The following TSPAN9 variants were observed in gnomAD, a reference collection of about 807,000 sequenced individuals.
TSPAN9 encodes the protein tetraspanin 9, also known as tetraspanin-9.
In TSPAN9, 16 loss-of-function variants were observed where a neutral mutation model predicts 31.0. That is an observed-to-expected ratio of 0.52 (90% confidence interval 0.35 to 0.78). TSPAN9 has a LOEUF of 0.78. TSPAN9 is among the 30% of genes least tolerant of loss of function. The pLI is 0.01. For missense variants in TSPAN9, 272 were observed against 312.5 expected, an observed-to-expected ratio of 0.87 and a Z score of 0.98; for synonymous variants, 145 against 121.6, an observed-to-expected ratio of 1.19 and a Z score of -1.27.
chr12:3,086,019 C>T (rs1168324262), intron 2 of TSPAN9, among the ~76,000 whole-genome samples: 2 of 152,156 alleles, frequency 1.3e-5, no homozygotes, highest in South Asian at 2.1e-4. Context: ...TTGGTTTAAA[C>T]TCTCTTCTTC....
intron 2 of TSPAN9, among the ~76,000 whole-genome samples, chr12:3,142,415 C>T (rs535966740): frequency 6.6e-6 from 1 of 152,320 alleles, no homozygotes; most frequent in Non-Finnish European, 1.5e-5. Flanking sequence ...CTCCTCCCTT[C>T]CCTGAGAAGG....
At chr12:3,173,846 C>T (rs1591659821) in intron 2 of TSPAN9, 1 of 152,236 alleles carries the variant, frequency 6.6e-6, no homozygotes, top group South Asian at 2.1e-4. Context: ...CTCCCTCCCT[C>T]CCTCCTCCTC....
chr12:3,282,311 T>C lies in TSPAN9; in HGVS notation c.648+494T>C, dbSNP rs574998238. 1.3e-4 allele frequency among the ~76,000 whole-genome samples: 20 copies of C among 152,252 alleles called. No homozygotes were observed. In the South Asian group the frequency reaches 4.0e-3, roughly 30 times the overall value. On this transcript the variant is annotated intron_variant, in intron 8 of 8. Coordinates refer to ENST00000011898, the MANE Select transcript of TSPAN9 (RefSeq NM_006675.5). Reference sequence around the variant, plus strand: ...GTAGTGACGTGGTCCTGAGCACACATCACTGGAAAGACAGCCCTGCTGCTG... The same window carrying C: ...GTAGTGACGTGGTCCTGAGCACACACCACTGGAAAGACAGCCCTGCTGCTG...
chr12:3,228,048 C>T (rs938308118), intron 3 of TSPAN9, among the ~76,000 whole-genome samples: 5 of 152,086 alleles, frequency 3.3e-5, no homozygotes, highest in African/African-American at 1.2e-4. Flanking sequence ...AATGCTTTGT[C>T]TGTATTAAAA....
chr12:3,217,664 A>T (rs1426387908), intron 3 of TSPAN9, among the ~76,000 whole-genome samples: 1 of 152,000 alleles, frequency 6.6e-6, no homozygotes, highest in African/African-American at 2.4e-5. Flanking sequence ...ACCCGCAGGG[A>T]CTCAACTCCC....
chr12:3,212,105 G>A (rs1230462570), intron 3 of TSPAN9, among the ~76,000 whole-genome samples: 1 of 152,106 alleles, frequency 6.6e-6, no homozygotes, highest in Non-Finnish European at 1.5e-5. Context: ...CCGAGTAGCT[G>A]GGATTACAGG....
At chr12:3,079,188 A>T (rs545495151) in intron 1 of TSPAN9, among the ~76,000 whole-genome samples, 1 of 152,338 alleles carries the variant, frequency 6.6e-6, no homozygotes, top group African/African-American at 2.4e-5. Flanking sequence ...CATGTTGACC[A>T]GGCTGGTCTT....
chr12:3,180,027 C>T (rs1290063953), intron 2 of TSPAN9, among the ~76,000 whole-genome samples: 2 of 152,100 alleles, frequency 1.3e-5, no homozygotes, highest in Admixed American at 6.5e-5. Flanking sequence ...CTAGAAAGTG[C>T]GAATTCTCAT....
chr12:3,175,154 A>C (rs1393926588), intron 2 of TSPAN9, among the ~76,000 whole-genome samples: 1 of 152,178 alleles, frequency 6.6e-6, no homozygotes, highest in East Asian at 1.9e-4. Context: ...GCTGTCCTGC[A>C]GGACCTAGGA....
intron 3 of TSPAN9, among the ~76,000 whole-genome samples, chr12:3,241,874 G>T (rs2098396739): frequency 6.6e-6 from 1 of 151,534 alleles, no homozygotes; most frequent in East Asian, 1.9e-4. Flanking sequence ...GGAGGGCAAA[G>T]TCCTCTCCCC....
chr12:3,266,129 C>T (rs1862531656), intron 3 of TSPAN9, among the ~76,000 whole-genome samples: 2 of 152,192 alleles, frequency 1.3e-5, no homozygotes, highest in Admixed American at 1.3e-4. Context: ...CACACTCTAT[C>T]ACAGCTAGCC....
chr12:3,283,228 A>G lies in TSPAN9; in HGVS notation c.*112A>G. 2 of 1,105,192 alleles carry G rather than the reference A, an allele frequency of 1.8e-6. No individual in the cohort carries two copies. Among genetic ancestry groups the G allele is most frequent in the South Asian group, 1.5e-5 (1 of 64,622 alleles). The allele number at this position is 1,105,192 out of a possible 1,614,324, so 68.5% of individuals were successfully genotyped here. On this transcript the variant is annotated 3_prime_UTR_variant, in exon 9 of 9. Transcript: ENST00000011898. ...GATATGACCCCTGCACCCACCCCCC[A>G]CAGCCTGCCCTACCCCACCTACCCT...
Position 3,158,396 on chromosome 12 carries a change from T to C in TSPAN9, c.-17-42781T>C, listed in dbSNP as rs1414339723. Among the ~76,000 whole-genome samples, 4 of 152,348 alleles carry C rather than the reference T, an allele frequency of 2.6e-5. No homozygotes were observed. In the East Asian group the frequency reaches 7.7e-4, roughly 29 times the overall value. On this transcript the variant is annotated intron_variant, in intron 2 of 8. Transcript: ENST00000011898. ...GTGCAAGGCTCTGCAGAACTTGACC[T>C]CAGCTTGTCTTTGTGCTGCCGTCCT...
intron 2 of TSPAN9, among the ~76,000 whole-genome samples, chr12:3,114,981 A>G (rs1388454898): frequency 1.3e-5 from 2 of 152,076 alleles, no homozygotes; most frequent in Non-Finnish European, 2.9e-5. Context: ...TTTTTACTAT[A>G]TTCTCAGCGT....
At chr12:3,281,633 A>C in intron 7 of TSPAN9, 101 bp from the exon 8 acceptor site, 1 of 1,360,244 alleles carries the variant, frequency 7.4e-7, no homozygotes, top group African/African-American at 1.4e-5. Flanking sequence ...GCTGGGAGGT[A>C]AGAGCGAGGA....
intron 2 of TSPAN9, among the ~76,000 whole-genome samples, chr12:3,196,057 A>G (rs1565609548): frequency 6.6e-6 from 1 of 152,168 alleles, no homozygotes; most frequent in East Asian, 1.9e-4. Context: ...TGTCTTACTC[A>G]GCTCAGCTTT....
At chr12:3,206,521 C>T (rs770478543) in intron 3 of TSPAN9, 4 of 264,580 alleles carry the variant, frequency 1.5e-5, no homozygotes, top group Non-Finnish European at 3.3e-5. Flanking sequence ...CACTTTCTGA[C>T]TCTCCTGCTC....
intron 2 of TSPAN9, among the ~76,000 whole-genome samples, chr12:3,150,701 T>C (rs947557992): frequency 2.0e-5 from 3 of 152,176 alleles, no homozygotes; most frequent in African/African-American, 7.2e-5. Context: ...GGGGGTTGCC[T>C]TAGCTAATTC....
rs1019755854 is a variant in TSPAN9, at chr12:3,187,142, G to A, written c.-17-14035G>A. On this transcript the variant is annotated intron_variant, in intron 2 of 8. Coordinates refer to ENST00000011898, the MANE Select transcript of TSPAN9 (RefSeq NM_006675.5). The surrounding 1 kb of genome is among the most constrained non-coding windows in gnomAD (Gnocchi z 5.2). ...CCTGTGCTGTGCTTTCAGAGGGGAG[G>A]GCCTCTGTTTTCTTTCACTTGGCAG... 1.3e-5 allele frequency among the ~76,000 whole-genome samples: 2 copies of A among 152,084 alleles called. No individual in the cohort carries two copies. The highest frequency in any genetic ancestry group is 4.8e-5 in the African/African-American group (2 of 41,404).
Sources: gnomAD v4.1 joint callset for allele counts (sites outside exome capture counted in the v4.1 genomes callset) on GRCh38, gnomAD v4.1.1 for gene constraint, Gnocchi (gnomAD v3.1) non-coding constraint, MANE v1.5 for transcripts, NCBI Gene and HGNC (gene_info 2026-07-23, HGNC 2026-07-21) for gene names.